The following ALG6 variants were observed in gnomAD, a reference collection of about 807,000 sequenced individuals.
ALG6 encodes the protein ALG6 alpha-1,3-glucosyltransferase, also known as dolichyl pyrophosphate Man9GlcNAc2 alpha-1,3-glucosyltransferase.
In ALG6, 46 loss-of-function variants were observed where a neutral mutation model predicts 66.6. That is an observed-to-expected ratio of 0.69 (90% CI 0.55 to 0.88). The LOEUF is 0.88. Ranked by LOEUF, ALG6 falls within the 40% of genes least tolerant of loss-of-function variation. The pLI, the probability that ALG6 is intolerant of heterozygous loss-of-function variation, is 0.00. For missense variants in ALG6, 505 were observed against 586.8 expected (o/e 0.86, Z 1.44); for synonymous variants, 185 against 203.7 (o/e 0.91, Z 0.78).
At chr1:63,378,314 G>A (rs1428243064) in intron 2 of ALG6, among the ~76,000 whole-genome samples, 1 of 152,056 alleles carries the variant, frequency 6.6e-6, no homozygotes, top group Non-Finnish European at 1.5e-5. Flanking sequence ...GTTGATGTTT[G>A]GACATCAGCT....
intron 8 of ALG6, 24 bp downstream of exon 8, chr1:63,411,355 A>G: frequency 1.2e-6 from 2 of 1,605,384 alleles, no homozygotes; most frequent in Non-Finnish European, 1.7e-6. Context: ...AAACACTAGA[A>G]TCCAAAAATT....
chr1:63,414,684 A>G (rs1176752948), intron 10 of ALG6, among the ~76,000 whole-genome samples: 3 of 152,248 alleles, frequency 2.0e-5, no homozygotes, highest in African/African-American at 7.2e-5. Flanking sequence ...AGAGTACATT[A>G]AATACGATTA....
At chr1:63,378,227 A>C (rs1648193393) in intron 2 of ALG6, among the ~76,000 whole-genome samples, 1 of 151,988 alleles carries the variant, frequency 6.6e-6, no homozygotes, top group Non-Finnish European at 1.5e-5. Flanking sequence ...TCAGTCTTAA[A>C]GTTTTGCTGG....
intron 2 of ALG6, 44 bp from the exon 3 acceptor site, chr1:63,396,469 G>T (rs1271723527): frequency 6.7e-7 from 1 of 1,501,172 alleles, no homozygotes; most frequent in Non-Finnish European, 9.3e-7. Context: ...TCACTGATAT[G>T]CTAAAGTACA....
chr1:63,425,491 G>A lies in ALG6; in HGVS notation c.1059-3242G>A, dbSNP rs76734074. Among the ~76,000 whole-genome samples the A allele has an allele frequency of 7.0e-3, 1,060 of 152,302 alleles. 14 individuals are homozygous for A. The highest frequency in any genetic ancestry group is 0.024 in the African/African-American group (988 of 41,562). On this transcript the variant is annotated intron_variant, in intron 12 of 14. Transcript: ENST00000263440. ...CTTCAGTTTTCTTATTGAAGTGAGA[G>A]GGAAAGTCATTAGCCAAGAGTGGGT...
At chr1:63,377,615 G>T (rs1648175954) in intron 2 of ALG6, among the ~76,000 whole-genome samples, 1 of 152,166 alleles carries the variant, frequency 6.6e-6, no homozygotes. Context: ...TCTGGTTACA[G>T]ATCCTCACTT....
intron 7 of ALG6, 101 bp downstream of exon 7, chr1:63,407,227 G>A: frequency 1.2e-6 from 1 of 838,446 alleles, no homozygotes. Context: ...TTGATAGAGT[G>A]CTTGCTTATA....
At chr1:63,369,072 T>C (rs1485095514) in intron 1 of ALG6, among the ~76,000 whole-genome samples, 6 of 152,196 alleles carry the variant, frequency 3.9e-5, no homozygotes, top group African/African-American at 1.2e-4. Flanking sequence ...CCATATGATA[T>C]GTATTCTTTG....
chr1:63,413,023 G>A (rs1397836928), intron 9 of ALG6, among the ~76,000 whole-genome samples: 2 of 152,198 alleles, frequency 1.3e-5, no homozygotes, highest in African/African-American at 4.8e-5. Context: ...TCAACAGGAT[G>A]ATGGTAGTGA....
intron 12 of ALG6, among the ~76,000 whole-genome samples, chr1:63,427,186 T>G (rs1246913637): frequency 1.4e-5 from 2 of 143,580 alleles, no homozygotes. Flanking sequence ...TTTTTTTTTT[T>G]GTATTTTTAG....
chr1:63,387,157 TATG>T (rs746584519), intron 2 of ALG6, among the ~76,000 whole-genome samples: 1 of 152,242 alleles, frequency 6.6e-6, no homozygotes, highest in Non-Finnish European at 1.5e-5. Context: ...GGATACCTGA[TATG>T]ATATCAGTGT....
At chr1:63,419,343 C>G (rs372676881) in intron 11 of ALG6, 27 bp from the exon 12 acceptor site, 193 of 1,560,002 alleles carry the variant, frequency 1.2e-4, no homozygotes, top group Non-Finnish European at 1.6e-4. Flanking sequence ...GTTGTTATAT[C>G]TCATTTCCCC....
At chr1:63,392,817 G>A (rs1290548815) in intron 2 of ALG6, among the ~76,000 whole-genome samples, 1 of 152,164 alleles carries the variant, frequency 6.6e-6, no homozygotes, top group Non-Finnish European at 1.5e-5. Flanking sequence ...CAGTTGGGTT[G>A]TCCTTCTGGG....
chr1:63,400,007 C>T lies in ALG6; in HGVS notation c.168-2247C>T, dbSNP rs1644438552. Among the ~76,000 whole-genome samples, 3 of 150,208 alleles carry T rather than the reference C, an allele frequency of 2.0e-5. No homozygotes were observed. The Admixed American group carries it at 2.0e-4, about 10-fold the overall frequency. ...GTCAGGAGTTCGAGACCAGCCTGAC[C>T]AACATGGAGAAACCCCATCTCTACT... On this transcript the variant is annotated intron_variant, in intron 3 of 14. Transcript: ENST00000263440.
At chr1:63,392,123 G>C (rs1648690716) in intron 2 of ALG6, among the ~76,000 whole-genome samples, 1 of 151,826 alleles carries the variant, frequency 6.6e-6, no homozygotes, top group African/African-American at 2.4e-5. Context: ...CCATTTAACT[G>C]CTTAGTTTCT....
chr1:63,400,026 C>T (rs1644438762), intron 3 of ALG6, among the ~76,000 whole-genome samples: 1 of 149,846 alleles, frequency 6.7e-6, no homozygotes, highest in South Asian at 2.1e-4. Flanking sequence ...GAAACCCCAT[C>T]TCTACTAAAA....
At chr1:63,418,246 T>C (rs1644555030) in intron 11 of ALG6, among the ~76,000 whole-genome samples, 1 of 149,802 alleles carries the variant, frequency 6.7e-6, no homozygotes, top group Non-Finnish European at 1.5e-5. Context: ...TAGTTTAGGG[T>C]TTTTCTGAGT....
In ALG6 at chr1:63,402,284, G is replaced by A; in HGVS notation, c.198G>A (p.Gln66=). ...TTAACAGCAGTGATAACAATTTACA[G>A]TATTGGGGATTGGATTACCCACCTC... ...WYFNSSDNNL[Q]YWGLDYPPLT... The change falls in exon 4 of 15, where the codon CAG becomes CAA. Residue 66 remains glutamine (Q), a synonymous_variant. Coordinates refer to ENST00000263440, the MANE Select transcript of ALG6 (RefSeq NM_013339.4). 1.9e-6 allele frequency: 3 copies of A among 1,610,560 alleles called. No homozygotes were observed. In the South Asian group the frequency reaches 3.3e-5, roughly 18 times the overall value.
chr1:63,396,645 ATTGT>A, intron 3 of ALG6, 48 bp downstream of exon 3: 1 of 1,503,706 alleles, frequency 6.7e-7, no homozygotes, highest in Non-Finnish European at 9.2e-7. Context: ...GTTAATACAG[ATTGT>A]TTGAAAATAT....
Sources: allele counts gnomAD v4.1 joint callset (sites outside exome capture counted in the v4.1 genomes callset), GRCh38; gene constraint gnomAD v4.1.1; transcripts MANE v1.5; gene names NCBI Gene and HGNC (gene_info 2026-07-23, HGNC 2026-07-21).